The following UBE2G1 variants were observed in gnomAD, a reference collection of about 807,000 sequenced individuals.
UBE2G1 encodes ubiquitin conjugating enzyme E2 G1.
Under a neutral mutation model 22.7 loss-of-function variants are expected in UBE2G1, and 5 were observed. The ratio of observed to expected loss-of-function variants is 0.22; its 90% CI spans 0.12 to 0.46. UBE2G1 has a LOEUF of 0.46. Ranked by LOEUF, UBE2G1 falls within the 20% of genes least tolerant of loss-of-function variation. The pLI, the probability that UBE2G1 is intolerant of heterozygous loss-of-function variation, is 0.99. For missense variants in UBE2G1, 88 were observed against 203.9 expected (o/e 0.43, Z 3.46); for synonymous variants, 74 against 67.5 (o/e 1.10, Z -0.47).
chr17:4,355,442 A>C (rs1040136894), intron 1 of UBE2G1, among the ~76,000 whole-genome samples: 2 of 149,266 alleles, frequency 1.3e-5, no homozygotes, highest in East Asian at 2.1e-4. Flanking sequence ...GGAGTTTAAG[A>C]CTAGCCATGG....
intron 4 of UBE2G1, among the ~76,000 whole-genome samples, chr17:4,284,904 G>A (rs1296193934): frequency 7.3e-6 from 1 of 137,174 alleles, no homozygotes; most frequent in East Asian, 2.1e-4. Context: ...AAGTGCAGTG[G>A]TGATCATAGC....
intron 5 of UBE2G1, among the ~76,000 whole-genome samples, chr17:4,274,161 T>G (rs1968793403): frequency 6.7e-6 from 1 of 148,676 alleles, no homozygotes; most frequent in South Asian, 2.1e-4. Flanking sequence ...ATTGTATTTT[T>G]AGTACAGATG....
chr17:4,283,637 T>C (rs1038784891), intron 4 of UBE2G1, among the ~76,000 whole-genome samples: 4 of 152,162 alleles, frequency 2.6e-5, no homozygotes, highest in Admixed American at 2.6e-4. Flanking sequence ...CTAAGTACCA[T>C]TTCTACTGTA....
intron 1 of UBE2G1, among the ~76,000 whole-genome samples, chr17:4,347,707 C>A (rs1735837319): frequency 6.6e-6 from 1 of 152,064 alleles, no homozygotes; most frequent in South Asian, 2.1e-4. Flanking sequence ...AAACTCCTGA[C>A]CTCAAGTGAT....
At chr17:4,277,340 C>T (rs536937264) in intron 5 of UBE2G1, among the ~76,000 whole-genome samples, 2 of 152,324 alleles carry the variant, frequency 1.3e-5, no homozygotes, top group East Asian at 3.9e-4. Context: ...AATGTTGTTT[C>T]AAGCCACTAA....
intron 3 of UBE2G1, among the ~76,000 whole-genome samples, chr17:4,295,873 T>C (rs938755836): frequency 2.0e-5 from 3 of 148,126 alleles, no homozygotes; most frequent in Admixed American, 6.8e-5. Flanking sequence ...CCGTGTGGAT[T>C]TGAAGTGGTA....
chr17:4,311,096 T>C (rs1000921751), intron 1 of UBE2G1, among the ~76,000 whole-genome samples: 3 of 152,038 alleles, frequency 2.0e-5, no homozygotes, highest in Non-Finnish European at 4.4e-5. Context: ...CACAGTGATG[T>C]GCACCTACAG....
intron 1 of UBE2G1, among the ~76,000 whole-genome samples, chr17:4,312,590 G>A (rs1598190185): frequency 1.3e-5 from 2 of 151,428 alleles, no homozygotes; most frequent in Non-Finnish European, 2.9e-5. Context: ...CAGCTACTCG[G>A]GAGGCTGAGG....
chr17:4,338,985 G>A (rs1408182457), intron 1 of UBE2G1, among the ~76,000 whole-genome samples: 1 of 152,182 alleles, frequency 6.6e-6, no homozygotes, highest in Non-Finnish European at 1.5e-5. Context: ...CCGCTCGGGA[G>A]TAGTTCTCAG....
intron 1 of UBE2G1, among the ~76,000 whole-genome samples, chr17:4,335,009 A>T (rs746017119): frequency 6.6e-6 from 1 of 152,192 alleles, no homozygotes; most frequent in African/African-American, 2.4e-5. Flanking sequence ...ACATGATATC[A>T]AACAAAATCT....
intron 1 of UBE2G1, among the ~76,000 whole-genome samples, chr17:4,324,826 C>T (rs965343738): frequency 4.7e-4 from 71 of 152,036 alleles, no homozygotes; most frequent in African/African-American, 1.7e-3. Flanking sequence ...GCCCGTAATC[C>T]CAGCATTTTG....
intron 1 of UBE2G1, among the ~76,000 whole-genome samples, chr17:4,353,029 C>T (rs1426717803): frequency 1.3e-5 from 2 of 152,056 alleles, no homozygotes; most frequent in Non-Finnish European, 2.9e-5. Flanking sequence ...CCATCCTGGC[C>T]AACACAGTGA....
intron 1 of UBE2G1, among the ~76,000 whole-genome samples, chr17:4,336,051 C>A (rs1969641866): frequency 6.6e-6 from 1 of 152,046 alleles, no homozygotes; most frequent in Non-Finnish European, 1.5e-5. Flanking sequence ...GAGGCTGAGG[C>A]AGGAGAATCG....
chr17:4,294,394 C>T (rs1028151041), intron 3 of UBE2G1, among the ~76,000 whole-genome samples: 1 of 137,972 alleles, frequency 7.2e-6, no homozygotes, highest in African/African-American at 3.0e-5. Context: ...CCAGCCTGGG[C>T]GAGACAGTGA....
intron 1 of UBE2G1, among the ~76,000 whole-genome samples, chr17:4,341,349 C>T (rs956976026): frequency 1.3e-5 from 2 of 152,020 alleles, no homozygotes; most frequent in African/African-American, 2.4e-5. Context: ...GAATCTCTGC[C>T]GATGTATTTA....
chr17:4,336,145 AAAAAG>A (rs1459106034), intron 1 of UBE2G1, among the ~76,000 whole-genome samples: 3 of 152,296 alleles, frequency 2.0e-5, no homozygotes, highest in East Asian at 1.9e-4. Context: ...AGACTGTCTC[AAAAAG>A]AAAAGAAAAG....
intron 1 of UBE2G1, among the ~76,000 whole-genome samples, chr17:4,315,800 CTTTTT>C (rs368086814): frequency 1.7e-4 from 18 of 105,286 alleles, no homozygotes; most frequent in Admixed American, 3.5e-4. Context: ...AAAGAGGCTC[CTTTTT>C]TTTTTTTTTT....
chr17:4,288,975 G>A (rs563272764), intron 4 of UBE2G1, among the ~76,000 whole-genome samples: 10 of 152,126 alleles, frequency 6.6e-5, no homozygotes, highest in African/African-American at 2.4e-4. Context: ...AGGAGTTTGA[G>A]GTTGCAGTGA....
chr17:4,289,090 G>A (rs1189799709), intron 4 of UBE2G1, 140 bp downstream of exon 4: 11 of 601,024 alleles, frequency 1.8e-5, no homozygotes, highest in Non-Finnish European at 2.6e-5. Context: ...TCAAAAATAA[G>A]AACTATGGGA....
Sources: gnomAD v4.1 joint callset for allele counts (sites outside exome capture counted in the v4.1 genomes callset) on GRCh38, gnomAD v4.1.1 for gene constraint, MANE v1.5 for transcripts, NCBI Gene and HGNC (gene_info 2026-07-23, HGNC 2026-07-21) for gene names.